The following MARS1 variants were observed in gnomAD, a reference collection of about 807,000 sequenced individuals.
The protein encoded by MARS1 is methionine--tRNA ligase, cytoplasmic.
A neutral mutation model predicts 119.5 loss-of-function variants in MARS1; 80 were observed. The observed-to-expected ratio is 0.67, with a 90% CI of 0.56 to 0.81. The LOEUF is 0.81. Among genes scored for constraint, MARS1 ranks in the 30% least tolerant of loss-of-function variants. MARS1 has a pLI of 0.00. For missense variants in MARS1, 945 were observed against 1,116.5 expected (o/e 0.85, Z 2.19); for synonymous variants, 418 against 433.4 (o/e 0.96, Z 0.44).
chr12:57,513,273 A>G (rs888235071), intron 15 of MARS1, among the ~76,000 whole-genome samples: 1 of 152,148 alleles, frequency 6.6e-6, no homozygotes, highest in Non-Finnish European at 1.5e-5. Context: ...GTTCACCTGC[A>G]GATCATTGAA....
intron 1 of MARS1, 177 bp from the exon 2 acceptor site, chr12:57,488,842 C>T (rs1481924898): frequency 2.7e-6 from 2 of 749,208 alleles, no homozygotes; most frequent in African/African-American, 3.5e-5. Context: ...CACCTGCTGG[C>T]CTCTCCAGCC....
chr12:57,492,098 G>T (rs1037610632), intron 7 of MARS1, among the ~76,000 whole-genome samples: 17 of 151,748 alleles, frequency 1.1e-4, no homozygotes, highest in South Asian at 6.2e-4. Flanking sequence ...GGCCAACATG[G>T]TGAAACCCTG....
chr12:57,507,207 T>A (rs1877225660), intron 11 of MARS1, among the ~76,000 whole-genome samples: 2 of 152,068 alleles, frequency 1.3e-5, no homozygotes, highest in South Asian at 4.2e-4. Context: ...GCAGAAGAAT[T>A]TTTCTTAGTA....
intron 10 of MARS1, 99 bp downstream of exon 10, chr12:57,500,621 G>A (rs1876876322): frequency 7.5e-6 from 9 of 1,193,480 alleles, no homozygotes; most frequent in South Asian, 1.4e-5. Flanking sequence ...TAGCATTCTA[G>A]ACCTTTAACC....
intron 7 of MARS1, 96 bp from the exon 8 acceptor site, chr12:57,498,061 G>C (rs1329421824): frequency 3.8e-6 from 3 of 789,964 alleles, no homozygotes; most frequent in African/African-American, 1.7e-5. Flanking sequence ...ACACATGACA[G>C]TAGAACAAAT....
At chr12:57,498,677 A>C (rs1876764269) in intron 9 of MARS1, 54 bp downstream of exon 9, 1 of 1,550,008 alleles carries the variant, frequency 6.5e-7, no homozygotes, top group Non-Finnish European at 8.9e-7. Context: ...GACTGGGAAC[A>C]GTGGGAGTAT....
intron 1 of MARS1, 181 bp downstream of exon 1, chr12:57,488,380 A>T: frequency 1.4e-6 from 1 of 712,346 alleles, no homozygotes; most frequent in Non-Finnish European, 2.3e-6. Context: ...CACTTCCTTT[A>T]ATTACCCTCA....
intron 19 of MARS1, 57 bp from the exon 20 acceptor site, chr12:57,516,187 TA>T (rs1877813517): frequency 6.6e-7 from 1 of 1,521,608 alleles, no homozygotes; most frequent in Non-Finnish European, 9.1e-7. Flanking sequence ...AGATGCTGTA[TA>T]AAACTGGAGG....
chr12:57,508,134 A>G (rs1050707839), intron 11 of MARS1, among the ~76,000 whole-genome samples: 1 of 150,834 alleles, frequency 6.6e-6, no homozygotes, highest in Non-Finnish European at 1.5e-5. Context: ...CTCACTTCCT[A>G]GATGGGATGG....
intron 4 of MARS1, 96 bp downstream of exon 4, chr12:57,489,654 C>T: frequency 6.7e-7 from 1 of 1,498,954 alleles, no homozygotes; most frequent in Non-Finnish European, 9.2e-7. Flanking sequence ...AACACTGCCA[C>T]TTACTAGTAG....
rs1422372608 is a variant in MARS1 at position 57,515,003 on chromosome 12, C to A, written c.2149C>A (p.Gln717Lys). The A allele has an allele frequency of 1.2e-6, 2 of 1,613,994 alleles. No homozygotes were observed. Among genetic ancestry groups the A allele is most frequent in the Non-Finnish European group, 1.7e-6 (2 of 1,180,036 alleles). ...CCTCACCATATCTCGACATGGCAAC[C>A]AATATATTCAGGTGAATGAGCCCTG... is the stretch of plus-strand genomic sequence containing the variant. ...SILTISRHGN[Q>K]YIQVNEPWKR... The change falls in exon 17 of 21, where the codon CAA becomes AAA. Residue 717 changes from glutamine to lysine, a missense_variant. Gln to Lys is a moderately conservative substitution (Grantham distance 53). Coordinates refer to ENST00000262027, the MANE Select transcript of MARS1 (RefSeq NM_004990.4).
intron 11 of MARS1, among the ~76,000 whole-genome samples, chr12:57,510,086 A>G (rs1311225591): frequency 6.6e-6 from 1 of 152,134 alleles, no homozygotes; most frequent in Non-Finnish European, 1.5e-5. Flanking sequence ...ATCACAGCTC[A>G]CCGCACTCTC....
intron 1 of MARS1, 105 bp from the exon 2 acceptor site, chr12:57,488,914 C>G (rs895100801): frequency 2.1e-6 from 2 of 967,230 alleles, no homozygotes; most frequent in Admixed American, 4.2e-5. Flanking sequence ...GACTGCCCAT[C>G]TTTCTTTTTT....
chr12:57,494,551 G>C (rs1006144860), intron 7 of MARS1, among the ~76,000 whole-genome samples: 1 of 145,812 alleles, frequency 6.9e-6, no homozygotes, highest in Non-Finnish European at 1.5e-5. Context: ...GGTGTTTCTC[G>C]GAGAGGGGGA....
chr12:57,493,912 ATAATATATATAATATATAT>A (rs1565641567), intron 7 of MARS1, among the ~76,000 whole-genome samples: 6 of 72,326 alleles, frequency 8.3e-5, no homozygotes, highest in African/African-American at 3.8e-4. Flanking sequence ...TATAATATAT[ATAATATATATAATATATAT>A]TATATATTAT....
At chr12:57,502,173 C>T (rs1876947386) in intron 10 of MARS1, among the ~76,000 whole-genome samples, 1 of 151,984 alleles carries the variant, frequency 6.6e-6, no homozygotes, top group Non-Finnish European at 1.5e-5. Context: ...TTGGGATGGT[C>T]AGGAAAAAGA....
chr12:57,504,039 G>C (rs1877061354), intron 10 of MARS1, 186 bp from the exon 11 acceptor site: 1 of 595,628 alleles, frequency 1.7e-6, no homozygotes, highest in Non-Finnish European at 3.0e-6. Context: ...AGAACAAATG[G>C]AGTTATACTG....
intron 7 of MARS1, among the ~76,000 whole-genome samples, chr12:57,491,183 T>C (rs779157264): frequency 5.3e-5 from 8 of 152,060 alleles, no homozygotes; most frequent in Non-Finnish European, 8.8e-5. Flanking sequence ...TGCACCCATG[T>C]TTTTCAGCTA....
chr12:57,494,870 A>G (rs1594815615), intron 7 of MARS1, among the ~76,000 whole-genome samples: 1 of 152,182 alleles, frequency 6.6e-6, no homozygotes, highest in Non-Finnish European at 1.5e-5. Context: ...AATTTTTCTT[A>G]GTACAGAACA....
Sources: allele counts gnomAD v4.1 joint callset (sites outside exome capture counted in the v4.1 genomes callset), GRCh38; gene constraint gnomAD v4.1.1; transcripts MANE v1.5; gene names NCBI Gene and HGNC (gene_info 2026-07-23, HGNC 2026-07-21).